Variants in LURAP1L observed in about 807,000 individuals in gnomAD.
LURAP1L encodes leucine rich adaptor protein 1 like.
Under a neutral mutation model 13.8 loss-of-function variants are expected in LURAP1L, and 12 were observed. The observed-to-expected ratio is 0.87, with a 90% CI of 0.56 to 1.41. The LOEUF is 1.41. Ranked by LOEUF, LURAP1L falls within the 40% of genes most tolerant of loss-of-function variation. The pLI is 0.00. For missense variants in LURAP1L, 375 were observed against 292.9 expected, an observed-to-expected ratio of 1.28 and a Z score of -2.04; for synonymous variants, 139 against 119.2, an observed-to-expected ratio of 1.17 and a Z score of -1.08.
chr9:12,796,675 A>G (rs919556973), intron 1 of LURAP1L, among the ~76,000 whole-genome samples: 1 of 151,988 alleles, frequency 6.6e-6, no homozygotes, highest in African/African-American at 2.4e-5. Context: ...TCTTTTGCCA[A>G]CTGAATATTC....
chr9:12,823,057 C>A lies in LURAP1L; in HGVS notation c.*1297C>A, dbSNP rs1347091593. On this transcript the variant is annotated 3_prime_UTR_variant, in exon 2 of 2. Coordinates refer to ENST00000319264, the MANE Select transcript of LURAP1L (RefSeq NM_203403.2). ...AATTTCTAATTAAAATATATCAGGG[C>A]TTATATTTTGCACTGATCTTTTCCC... 2.6e-5 allele frequency among the ~76,000 whole-genome samples: 4 copies of A among 152,034 alleles called. No homozygotes were observed. Among genetic ancestry groups the A allele is most frequent in the African/African-American group, 9.7e-5 (4 of 41,394 alleles).
chr9:12,805,525 TC>T (rs1343801371), intron 1 of LURAP1L, among the ~76,000 whole-genome samples: 2 of 152,168 alleles, frequency 1.3e-5, no homozygotes, highest in Non-Finnish European at 2.9e-5. Context: ...ATGGTTATTC[TC>T]CTTTTCAGTG....
chr9:12,799,493 A>G lies in LURAP1L; in HGVS notation c.313-21893A>G, dbSNP rs554006659. 3.3e-4 allele frequency among the ~76,000 whole-genome samples: 50 copies of G among 152,340 alleles called. 2 individuals are homozygous for G. In the South Asian group the frequency reaches 0.01, roughly 31 times the overall value. ...CATATATAAATAATCATTTTGAACA[A>G]GAGAACAACCAGATCATTACTGAAA... On this transcript the variant is annotated intron_variant, in intron 1 of 1. Transcript: ENST00000319264.
intron 1 of LURAP1L, among the ~76,000 whole-genome samples, chr9:12,781,301 T>C (rs1819266725): frequency 6.6e-6 from 1 of 152,148 alleles, no homozygotes; most frequent in Non-Finnish European, 1.5e-5. Context: ...GTACAATAAA[T>C]TATTGTTGAC....
intron 1 of LURAP1L, among the ~76,000 whole-genome samples, chr9:12,780,856 C>A (rs1586874014): frequency 6.6e-6 from 1 of 152,088 alleles, no homozygotes; most frequent in Non-Finnish European, 1.5e-5. Context: ...TTACTCTATA[C>A]TCCAGAGGAA....
intron 1 of LURAP1L, among the ~76,000 whole-genome samples, chr9:12,808,771 G>A (rs1221276303): frequency 1.3e-5 from 2 of 151,910 alleles, no homozygotes; most frequent in African/African-American, 4.8e-5. Flanking sequence ...ATTCATTTTG[G>A]GACATTCTCA....
intron 1 of LURAP1L, among the ~76,000 whole-genome samples, chr9:12,796,574 A>T (rs1229801706): frequency 1.3e-5 from 2 of 152,052 alleles, no homozygotes; most frequent in South Asian, 4.1e-4. Flanking sequence ...ATGCTTTTCC[A>T]CATTGCAGGT....
In LURAP1L at chr9:12,799,853, G is replaced by A. The variant is rs1442923689; in HGVS notation, c.313-21533G>A. On this transcript the variant is annotated intron_variant, in intron 1 of 1. Coordinates refer to ENST00000319264, the MANE Select transcript of LURAP1L (RefSeq NM_203403.2). ...CGTGCCACTGCACTCCAGCCTGGGCGACAGAGCGAGACTCCGTCTCAAAAA... is the reference window on the plus strand; with the variant it reads ...CGTGCCACTGCACTCCAGCCTGGGCAACAGAGCGAGACTCCGTCTCAAAAA... 1.5e-4 allele frequency among the ~76,000 whole-genome samples: 20 copies of A among 133,404 alleles called. No homozygotes were observed. In the East Asian group the frequency reaches 2.2e-3, roughly 14 times the overall value. 87.5% of individuals were successfully genotyped at this position (133,404 alleles called of 152,430 possible).
At chr9:12,777,437 T>G (rs1455497030) in intron 1 of LURAP1L, 27 of 985,252 alleles carry the variant, frequency 2.7e-5, no homozygotes, top group South Asian at 4.7e-5. Context: ...TGTTGCTAAC[T>G]CTGCAAATTA....
intron 1 of LURAP1L, among the ~76,000 whole-genome samples, chr9:12,789,750 G>A (rs1256871814): frequency 6.6e-6 from 1 of 152,130 alleles, no homozygotes; most frequent in Non-Finnish European, 1.5e-5. Context: ...CTTCTTACCA[G>A]AAATAGGTGA....
rs151066968 is a variant in LURAP1L at position 12,804,377 on chromosome 9, C to T, written c.313-17009C>T. 2.4e-3 allele frequency among the ~76,000 whole-genome samples: 358 copies of T among 146,998 alleles called. 3 individuals carry two copies. Among genetic ancestry groups the T allele is most frequent in the African/African-American group, 8.3e-3 (327 of 39,356 alleles). On this transcript the variant is annotated intron_variant, in intron 1 of 1. Coordinates refer to ENST00000319264, the MANE Select transcript of LURAP1L (RefSeq NM_203403.2). Reference sequence around the variant, plus strand: ...TTTTTTTTTTTGAGACAAAGTCTCGCTGTGTCAGCCAGGCTGGAGTGCAGT... The same window carrying T: ...TTTTTTTTTTTGAGACAAAGTCTCGTTGTGTCAGCCAGGCTGGAGTGCAGT...
Position 12,821,641 on chromosome 9 carries a change from G to A in LURAP1L, c.568G>A (p.Val190Ile). 1 of 1,614,174 alleles carries A rather than the reference G, an allele frequency of 6.2e-7. No homozygotes were observed. The change falls in exon 2 of 2, where the codon GTC (valine) becomes ATC (isoleucine). Residue 190 changes from valine to isoleucine, a missense_variant. By Grantham distance (29) the Val-to-Ile change is conservative. Transcript: ENST00000319264. ...TTATCTGGACACGTTGGCGGATGAT[G>A]TCCCAGGCCATCAGACCCCTTCAGA... ...GSYLDTLADD[V>I]PGHQTPSDLD...
intron 1 of LURAP1L, among the ~76,000 whole-genome samples, chr9:12,779,697 T>G (rs1230238689): frequency 6.6e-6 from 1 of 152,232 alleles, no homozygotes; most frequent in Non-Finnish European, 1.5e-5. Context: ...ATCTGAGATT[T>G]TAACCATGCC....
At position 12,775,526 on chromosome 9, in the gene LURAP1L, C is replaced by A; in HGVS notation, c.-190C>A. 1.2e-6 allele frequency: 1 copy of A among 805,746 alleles called. No individual in the cohort carries two copies. The highest frequency in any genetic ancestry group is 1.8e-6 in the Non-Finnish European group (1 of 559,110). 49.9% of individuals were successfully genotyped at this position (805,746 alleles called of 1,614,324 possible). A position where few individuals can be genotyped will look rare whatever the true frequency, so the allele number is the denominator to read the frequency against. ...GCGGACTGGGAACTGCAGCTGCGAC[C>A]CCCCGCGTCCTGTGCGGATTTCAGG... On this transcript the variant is annotated 5_prime_UTR_variant, in exon 1 of 2. Transcript: ENST00000319264.
Position 12,821,817 on chromosome 9 carries a change from C to T in LURAP1L, c.*57C>T, listed in dbSNP as rs543011378. ...TGAACTTGTATTTATCCTTCTTCTCCGCTGCTATATTTTTGGTGTGATTTT... is the reference window on the plus strand; with the variant it reads ...TGAACTTGTATTTATCCTTCTTCTCTGCTGCTATATTTTTGGTGTGATTTT... On this transcript the variant is annotated 3_prime_UTR_variant, in exon 2 of 2. Transcript: ENST00000319264. 110 of 1,530,526 alleles carry T rather than the reference C, an allele frequency of 7.2e-5. No homozygotes were observed. In the African/African-American group the frequency reaches 9.3e-4, roughly 13 times the overall value. 94.8% of individuals were successfully genotyped at this position (1,530,526 alleles called of 1,614,324 possible). A position where few individuals can be genotyped will look rare whatever the true frequency, so the allele number is the denominator to read the frequency against.
chr9:12,786,564 ATATATATATATATAT>A (rs1819356299), intron 1 of LURAP1L, among the ~76,000 whole-genome samples: 1 of 121,626 alleles, frequency 8.2e-6, no homozygotes, highest in Non-Finnish European at 1.8e-5. Flanking sequence ...ATATATATAT[ATATATATATATATAT>A]ATAAACCCTT....
intron 1 of LURAP1L, among the ~76,000 whole-genome samples, chr9:12,776,321 GCCAGCCCGTAGCCTCTTAGGCA>G (rs1295465120): frequency 6.6e-6 from 1 of 152,168 alleles, no homozygotes; most frequent in East Asian, 1.9e-4. Context: ...CTATTTAGCT[GCCAGCCCGTAGCCTCTTAGGCA>G]CCAGCCCGTT....
At chr9:12,797,431 T>C (rs1459309613) in intron 1 of LURAP1L, among the ~76,000 whole-genome samples, 10 of 152,170 alleles carry the variant, frequency 6.6e-5, no homozygotes, top group Admixed American at 5.2e-4. Flanking sequence ...TAAAAACTTA[T>C]ATTTCTGAAT....
chr9:12,809,243 G>A (rs993664134), intron 1 of LURAP1L, among the ~76,000 whole-genome samples: 5 of 152,068 alleles, frequency 3.3e-5, no homozygotes, highest in Middle Eastern at 3.2e-3. Flanking sequence ...AATTTGGAGG[G>A]GGCAGAACAT....
Sources: allele counts gnomAD v4.1 joint callset (sites outside exome capture counted in the v4.1 genomes callset), GRCh38; gene constraint gnomAD v4.1.1; transcripts MANE v1.5; gene names NCBI Gene and HGNC (gene_info 2026-07-23, HGNC 2026-07-21).